LAMA2: variants seen among roughly 807,000 people sequenced by gnomAD.
The protein encoded by LAMA2 is laminin subunit alpha-2.
In LAMA2, 269 loss-of-function variants were observed where a neutral mutation model predicts 364.8. The observed-to-expected ratio is 0.74, with a 90% CI of 0.67 to 0.82. The LOEUF (loss-of-function observed/expected upper bound fraction) is 0.82. LAMA2 is among the 40% of genes least tolerant of loss of function. The probability of loss-of-function intolerance (pLI) is 0.00; values close to 1 mark genes in which losing one functional copy is unlikely to be tolerated. For synonymous variants in LAMA2, 1,379 were observed against 1,370.6 expected (o/e 1.01, Z -0.14); for missense variants, 3,807 against 3,873.2 (o/e 0.98, Z 0.45).
At chr6:129,390,322 A>AG (rs1451633139) in intron 35 of LAMA2, among the ~76,000 whole-genome samples, 1 of 152,000 alleles carries the variant, frequency 6.6e-6, no homozygotes, top group Non-Finnish European at 1.5e-5. Flanking sequence ...TGCTGCTTAT[A>AG]GGGGACCACA....
intron 12 of LAMA2, among the ~76,000 whole-genome samples, chr6:129,246,834 G>A (rs995577672): frequency 1.3e-5 from 2 of 152,134 alleles, no homozygotes; most frequent in African/African-American, 4.8e-5. Flanking sequence ...TGGAGAAGAG[G>A]CAGAGAATTC....
At chr6:129,088,221 T>C (rs973183863) in intron 3 of LAMA2, among the ~76,000 whole-genome samples, 1 of 151,542 alleles carries the variant, frequency 6.6e-6, no homozygotes, top group African/African-American at 2.4e-5. Flanking sequence ...AGTAAGGTCA[T>C]AGATCAACAG....
chr6:129,314,490 T>C (rs1050278388), intron 23 of LAMA2, among the ~76,000 whole-genome samples, 165 bp from the exon 24 acceptor site: 1 of 151,224 alleles, frequency 6.6e-6, no homozygotes, highest in African/African-American at 2.4e-5. Flanking sequence ...CTCCTAACAA[T>C]GAGGTTAACT....
At chr6:129,057,718 C>T (rs1162528125) in intron 2 of LAMA2, among the ~76,000 whole-genome samples, 1 of 152,170 alleles carries the variant, frequency 6.6e-6, no homozygotes, top group African/African-American at 2.4e-5. Flanking sequence ...GGAATATCAG[C>T]TACCCGTGTG....
At chr6:128,975,134 G>A (rs951329808) in intron 1 of LAMA2, among the ~76,000 whole-genome samples, 2 of 152,098 alleles carry the variant, frequency 1.3e-5, no homozygotes, top group Non-Finnish European at 2.9e-5. Flanking sequence ...TTACAGGCCT[G>A]AGCCATCGCG....
chr6:129,224,548 G>T (rs1054199602), intron 12 of LAMA2, among the ~76,000 whole-genome samples: 5 of 152,028 alleles, frequency 3.3e-5, no homozygotes, highest in Non-Finnish European at 7.4e-5. Flanking sequence ...GAGAGTTTTT[G>T]GCATGAAGGG....
At chr6:129,312,068 A>G (rs1774261189) in intron 22 of LAMA2, among the ~76,000 whole-genome samples, 2 of 152,212 alleles carry the variant, frequency 1.3e-5, no homozygotes, top group South Asian at 4.1e-4. Flanking sequence ...TAAAAATCAA[A>G]AACAAATCTG....
intron 1 of LAMA2, among the ~76,000 whole-genome samples, chr6:128,959,476 A>G (rs147841151): frequency 1.5e-4 from 23 of 152,164 alleles, no homozygotes; most frequent in African/African-American, 5.5e-4. Context: ...ATGGCTCTCA[A>G]TTCTTCACTC....
rs1562873122 is a variant in LAMA2, at chr6:128,961,353, ATAT to A, written c.112+77997_112+77999del. Among the ~76,000 whole-genome samples, 14 of 73,834 alleles carry A rather than the reference ATAT, an allele frequency of 1.9e-4. 3 individuals are homozygous for A. The highest frequency in any genetic ancestry group is 3.6e-4 in the Non-Finnish European group (13 of 35,848). 48.4% of individuals were successfully genotyped at this position (73,834 alleles called of 152,430 possible). ...TATATATATATATATATATATATAT[ATAT>A]ATATATATATATTAGTTTATTAAGT... is the stretch of plus-strand genomic sequence containing the variant. On this transcript the variant is annotated intron_variant, in intron 1 of 64. Transcript: ENST00000421865.
chr6:129,149,688 G>T (rs548834123), intron 7 of LAMA2, among the ~76,000 whole-genome samples: 1 of 151,932 alleles, frequency 6.6e-6, no homozygotes, highest in South Asian at 2.1e-4. Context: ...ATATAAAGTC[G>T]GCCTTCCATA....
intron 1 of LAMA2, among the ~76,000 whole-genome samples, chr6:129,004,837 A>G (rs145912098): frequency 4.4e-4 from 67 of 152,234 alleles, no homozygotes; most frequent in African/African-American, 1.4e-3. Context: ...ATAATATTCT[A>G]TTAACCAGCA....
rs538513958 is a variant in LAMA2, at chr6:129,375,999, A to G, written c.4959+6009A>G. Among the ~76,000 whole-genome samples, 3 of 152,220 alleles carry G rather than the reference A, an allele frequency of 2.0e-5. No individual in the cohort carries two copies. In the South Asian group the frequency reaches 6.2e-4, roughly 32 times the overall value. On this transcript the variant is annotated intron_variant, in intron 34 of 64. Coordinates refer to ENST00000421865, the MANE Select transcript of LAMA2 (RefSeq NM_000426.4). ...TTTCCTTCTATGGTGACTCTTTGTAAGCCTTATCCAACTCTAACCTGTTGT... is the reference window on the plus strand; with the variant it reads ...TTTCCTTCTATGGTGACTCTTTGTAGGCCTTATCCAACTCTAACCTGTTGT...
At chr6:128,927,333 C>T (rs1779161932) in intron 1 of LAMA2, among the ~76,000 whole-genome samples, 2 of 152,272 alleles carry the variant, frequency 1.3e-5, no homozygotes, top group South Asian at 4.1e-4. Flanking sequence ...ATTCAGTGTA[C>T]TCCAATATTT....
chr6:129,406,393 T>G (rs571909575), intron 40 of LAMA2, among the ~76,000 whole-genome samples: 1 of 152,312 alleles, frequency 6.6e-6, no homozygotes, highest in South Asian at 2.1e-4. Context: ...ATTTTAAGAA[T>G]TTAGACATCA....
chr6:129,273,875 G>C (rs1788110095), intron 17 of LAMA2, among the ~76,000 whole-genome samples: 2 of 151,618 alleles, frequency 1.3e-5, no homozygotes, highest in East Asian at 1.9e-4. Context: ...TTTTCACTTA[G>C]AGTAAGCAAT....
intron 16 of LAMA2, among the ~76,000 whole-genome samples, chr6:129,269,770 G>A (rs1032661852): frequency 4.6e-5 from 7 of 151,890 alleles, no homozygotes; most frequent in Admixed American, 2.0e-4. Context: ...AAATCAAATC[G>A]GGGAAAAAAT....
At chr6:129,169,211 G>A (rs1369025478) in intron 9 of LAMA2, among the ~76,000 whole-genome samples, 12 of 149,120 alleles carry the variant, frequency 8.0e-5, no homozygotes, top group East Asian at 1.9e-4. Flanking sequence ...GAATAGGAGC[G>A]GTGAGAGAGG....
intron 18 of LAMA2, among the ~76,000 whole-genome samples, chr6:129,281,703 T>C (rs542906448): frequency 6.6e-6 from 1 of 152,276 alleles, no homozygotes; most frequent in South Asian, 2.1e-4. Flanking sequence ...GAGAAATACC[T>C]GACAGAAAGT....
At chr6:129,099,844 T>C (rs1443669410) in intron 4 of LAMA2, among the ~76,000 whole-genome samples, 1 of 152,180 alleles carries the variant, frequency 6.6e-6, no homozygotes, top group Non-Finnish European at 1.5e-5. Context: ...ATCTGCCAAA[T>C]GACAAGGACT....
Sources: gnomAD v4.1 joint callset for allele counts (sites outside exome capture counted in the v4.1 genomes callset) on GRCh38, gnomAD v4.1.1 for gene constraint, MANE v1.5 for transcripts, NCBI Gene and HGNC (gene_info 2026-07-23, HGNC 2026-07-21) for gene names.